Variants in AGBL4 observed in about 807,000 individuals in gnomAD.
AGBL4 encodes the protein AGBL carboxypeptidase 4, also known as cytosolic carboxypeptidase 6.
In AGBL4, 58 loss-of-function variants were observed where a neutral mutation model predicts 66.4. That is an observed-to-expected ratio of 0.87 (90% CI 0.71 to 1.09). The LOEUF (loss-of-function observed/expected upper bound fraction) is 1.09. Ranked by LOEUF, AGBL4 falls within the 50% of genes least tolerant of loss-of-function variation. The pLI is 0.00. For synonymous variants in AGBL4, 234 were observed against 222.9 expected (o/e 1.05, Z -0.44); for missense variants, 579 against 631.0 (o/e 0.92, Z 0.88).
chr1:48,833,268 A>G (rs78440543), intron 6 of AGBL4, among the ~76,000 whole-genome samples: 1,915 of 152,282 alleles, frequency 0.013, 28 homozygotes, highest in Non-Finnish European at 0.016. Flanking sequence ...GGAAATGAGA[A>G]ACATGTTATT....
chr1:49,797,867 G>A lies in AGBL4; in HGVS notation c.157+53529C>T, dbSNP rs376794078. On this transcript the variant is annotated intron_variant, in intron 2 of 13. Transcript: ENST00000371839. Reference sequence around the variant, plus strand: ...TAACTTCCGCCTCCCGCGTTCAAGCGATTCTCTTGTCTCAGCCTCCTGAAT... The same window carrying A: ...TAACTTCCGCCTCCCGCGTTCAAGCAATTCTCTTGTCTCAGCCTCCTGAAT... Among the ~76,000 whole-genome samples, 127 of 151,882 alleles carry A rather than the reference G, an allele frequency of 8.4e-4. 1 individual carries two copies. Among genetic ancestry groups the A allele is most frequent in the African/African-American group, 2.8e-3 (115 of 41,388 alleles).
At chr1:49,596,693 G>A (rs1362939454) in intron 3 of AGBL4, among the ~76,000 whole-genome samples, 1 of 152,166 alleles carries the variant, frequency 6.6e-6, no homozygotes, top group Admixed American at 6.5e-5. Context: ...CAGTCCTTAT[G>A]TCAATGTTTG....
At chr1:48,826,166 A>G (rs960483670) in intron 6 of AGBL4, among the ~76,000 whole-genome samples, 48 of 152,170 alleles carry the variant, frequency 3.2e-4, no homozygotes, top group African/African-American at 1.2e-3. Flanking sequence ...CCTTCCCTCT[A>G]CAGTCAATCT....
Position 49,587,320 on chromosome 1 carries a change from G to T in AGBL4, c.282+109993C>A, listed in dbSNP as rs551244700. Among the ~76,000 whole-genome samples the T allele has an allele frequency of 2.6e-5, 4 of 151,646 alleles. No individual in the cohort carries two copies. The South Asian group carries it at 8.4e-4, about 32-fold the overall frequency. ...AAAGAAAAGAGAAGAGAAGAGAAGA[G>T]AAAAGAAAAAAGAAAAGAAAAGAAA... On this transcript the variant is annotated intron_variant, in intron 3 of 13. Coordinates refer to ENST00000371839, the MANE Select transcript of AGBL4 (RefSeq NM_032785.4).
chr1:49,542,511 C>T (rs1652127463), intron 3 of AGBL4, among the ~76,000 whole-genome samples: 1 of 152,184 alleles, frequency 6.6e-6, no homozygotes, highest in Non-Finnish European at 1.5e-5. Flanking sequence ...CGGCTTCATT[C>T]TTGAAGTCAA....
intron 6 of AGBL4, among the ~76,000 whole-genome samples, chr1:48,833,156 A>G (rs905111156): frequency 1.3e-5 from 2 of 152,220 alleles, no homozygotes; most frequent in Admixed American, 1.3e-4. Context: ...GCTGAAACAC[A>G]TAGCATGGCT....
At chr1:49,707,632 C>T (rs1262473673) in intron 2 of AGBL4, among the ~76,000 whole-genome samples, 2 of 151,698 alleles carry the variant, frequency 1.3e-5, no homozygotes, top group Non-Finnish European at 2.9e-5. Flanking sequence ...TGGTGGATGC[C>T]GTTTCTTCAT....
chr1:49,088,386 A>C (rs1273083108), intron 4 of AGBL4, among the ~76,000 whole-genome samples: 1 of 152,188 alleles, frequency 6.6e-6, no homozygotes, highest in Non-Finnish European at 1.5e-5. Context: ...CCTAAAAGTA[A>C]AAGGATGAAG....
At chr1:49,450,044 C>T (rs375055963) in intron 3 of AGBL4, among the ~76,000 whole-genome samples, 1 of 151,998 alleles carries the variant, frequency 6.6e-6, no homozygotes, top group Non-Finnish European at 1.5e-5. Flanking sequence ...CCAACACACA[C>T]GAAATATTTC....
chr1:49,854,103 G>A (rs1054921489), intron 1 of AGBL4, among the ~76,000 whole-genome samples: 1 of 151,898 alleles, frequency 6.6e-6, no homozygotes, highest in African/African-American at 2.4e-5. Context: ...GTCTGTTTAT[G>A]CCATATGGAA....
intron 4 of AGBL4, chr1:49,187,405 A>G (rs181797889): frequency 1.6e-4 from 25 of 152,314 alleles, no homozygotes; most frequent in African/African-American, 5.1e-4. Context: ...GGGAAAATTA[A>G]TTAAGGAAAA....
At chr1:49,647,809 A>G (rs1645919390) in intron 3 of AGBL4, among the ~76,000 whole-genome samples, 2 of 151,526 alleles carry the variant, frequency 1.3e-5, no homozygotes, top group Non-Finnish European at 2.9e-5. Context: ...TACGAGGGAA[A>G]GAGAAGCCTA....
intron 1 of AGBL4, among the ~76,000 whole-genome samples, chr1:50,010,004 G>A (rs746764075): frequency 4.6e-5 from 7 of 152,072 alleles, no homozygotes; most frequent in Non-Finnish European, 5.9e-5. Flanking sequence ...TAAAGAGGAC[G>A]TCAAAAAATA....
intron 3 of AGBL4, among the ~76,000 whole-genome samples, chr1:49,659,333 T>TG (rs1335189847): frequency 6.6e-6 from 1 of 152,128 alleles, no homozygotes; most frequent in African/African-American, 2.4e-5. Context: ...TAAATGTAAA[T>TG]GGGTTAAATG....
At chr1:49,487,843 GAT>G (rs1209102498) in intron 3 of AGBL4, among the ~76,000 whole-genome samples, 1 of 151,808 alleles carries the variant, frequency 6.6e-6, no homozygotes, top group African/African-American at 2.4e-5. Context: ...TTTGAACCCT[GAT>G]ATTCTGAGTA....
intron 6 of AGBL4, among the ~76,000 whole-genome samples, chr1:48,785,434 C>G (rs1015440567): frequency 2.6e-5 from 4 of 152,180 alleles, no homozygotes; most frequent in Admixed American, 2.6e-4. Context: ...TTCTGTCCCT[C>G]TAAGTCTCAT....
intron 6 of AGBL4, among the ~76,000 whole-genome samples, chr1:48,837,297 G>T (rs939898052): frequency 2.6e-5 from 4 of 152,066 alleles, no homozygotes; most frequent in Admixed American, 6.6e-5. Context: ...TTGCAGCACA[G>T]TGAGTGTGAT....
downstream of AGBL4, among the ~76,000 whole-genome samples, chr1:48,528,974 T>C (rs117097853): frequency 1.6e-4 from 24 of 152,136 alleles, no homozygotes; most frequent in East Asian, 4.5e-3. Flanking sequence ...CAACACTGTC[T>C]TCCCATTTGT....
At chr1:48,898,593 G>A (rs1651764952) in intron 5 of AGBL4, among the ~76,000 whole-genome samples, 1 of 152,088 alleles carries the variant, frequency 6.6e-6, no homozygotes, top group African/African-American at 2.4e-5. Flanking sequence ...TGGCACCTTT[G>A]TTAAAGATGA....
Sources: gnomAD v4.1 joint callset for allele counts (sites outside exome capture counted in the v4.1 genomes callset) on GRCh38, gnomAD v4.1.1 for gene constraint, MANE v1.5 for transcripts, NCBI Gene and HGNC (gene_info 2026-07-23, HGNC 2026-07-21) for gene names.